Variants in LAMA2 observed in about 807,000 individuals in gnomAD.
LAMA2 encodes the protein laminin subunit alpha-2.
In LAMA2, 269 loss-of-function variants were observed where a neutral mutation model predicts 364.8. That is an observed-to-expected ratio of 0.74 (90% CI 0.67 to 0.82). The LOEUF is 0.82. Among genes scored for constraint, LAMA2 ranks in the 40% least tolerant of loss-of-function variants. The probability of loss-of-function intolerance (pLI) is 0.00; values close to 1 mark genes in which losing one functional copy is unlikely to be tolerated. For synonymous variants in LAMA2, 1,379 were observed against 1,370.6 expected, an observed-to-expected ratio of 1.01 and a Z score of -0.14; for missense variants, 3,807 against 3,873.2, an observed-to-expected ratio of 0.98 and a Z score of 0.45.
At chr6:128,905,094 T>G (rs918075383) in intron 1 of LAMA2, among the ~76,000 whole-genome samples, 2 of 152,202 alleles carry the variant, frequency 1.3e-5, no homozygotes, top group African/African-American at 4.8e-5. Flanking sequence ...CTGGATAACT[T>G]TAAAAATCTT....
At chr6:129,109,658 T>C (rs2114897294) in intron 4 of LAMA2, among the ~76,000 whole-genome samples, 1 of 152,188 alleles carries the variant, frequency 6.6e-6, no homozygotes, top group Admixed American at 6.6e-5. Flanking sequence ...TATAGGTAAT[T>C]ATATCAATAT....
intron 3 of LAMA2, among the ~76,000 whole-genome samples, chr6:129,091,212 T>C (rs905152791): frequency 3.9e-5 from 6 of 152,234 alleles, no homozygotes; most frequent in Non-Finnish European, 8.8e-5. Context: ...CAGAGTGAGA[T>C]AGAGAAGTCC....
At chr6:129,479,930 A>G (rs1784268870) in intron 54 of LAMA2, 1 of 152,150 alleles carries the variant, frequency 6.6e-6, no homozygotes, top group East Asian at 1.9e-4. Context: ...TGGCTTCTTA[A>G]AGGAAGTTTT....
In LAMA2 at chr6:128,922,078, G is replaced by A. The variant is rs528868417; in HGVS notation, c.112+38721G>A. ...CTGCATAGTATTCCATGGTGTATAT[G>A]TGCCACATTTTCTTAATCTAGTCTA... On this transcript the variant is annotated intron_variant, in intron 1 of 64. Transcript: ENST00000421865. 5.6e-4 allele frequency among the ~76,000 whole-genome samples: 85 copies of A among 152,174 alleles called. 2 individuals are homozygous for A. Among genetic ancestry groups the A allele is most frequent in the African/African-American group, 2.0e-3 (82 of 41,498 alleles).
At chr6:129,200,420 GTGTATATGTGTACACATATACA>G (rs1782195070) in intron 12 of LAMA2, among the ~76,000 whole-genome samples, 1 of 146,136 alleles carries the variant, frequency 6.8e-6, no homozygotes, top group Admixed American at 6.8e-5. Context: ...ATACATATAC[GTGTATATGTGTACACATATACA>G]TATATGTATA....
At chr6:129,511,408 A>T (rs1786563866) in intron 62 of LAMA2, among the ~76,000 whole-genome samples, 1 of 152,080 alleles carries the variant, frequency 6.6e-6, no homozygotes. Flanking sequence ...TTATTTCCAG[A>T]AGGGGTGTCA....
At chr6:128,944,344 AGAT>A (rs899076375) in intron 1 of LAMA2, among the ~76,000 whole-genome samples, 1 of 152,236 alleles carries the variant, frequency 6.6e-6, no homozygotes, top group African/African-American at 2.4e-5. Flanking sequence ...AAAATAAGAA[AGAT>A]GATAGGCCTG....
chr6:129,168,484 G>A (rs1779907627), intron 9 of LAMA2, among the ~76,000 whole-genome samples: 1 of 152,122 alleles, frequency 6.6e-6, no homozygotes, highest in Non-Finnish European at 1.5e-5. Flanking sequence ...TACATATGCG[G>A]CGTTATTTCT....
chr6:129,009,327 C>A (rs1367589576), intron 1 of LAMA2, among the ~76,000 whole-genome samples: 1 of 151,788 alleles, frequency 6.6e-6, no homozygotes, highest in Non-Finnish European at 1.5e-5. Flanking sequence ...AATTTAGATT[C>A]TTTAAAAACT....
At position 129,453,002 on chromosome 6, in the gene LAMA2, G is replaced by A. The variant is rs781231694; in HGVS notation, c.6444G>A (p.Val2148=). The A allele has an allele frequency of 5.0e-6, 8 of 1,612,472 alleles. No individual in the cohort carries two copies. Among genetic ancestry groups the A allele is most frequent in the African/African-American group, 1.3e-5 (1 of 74,872 alleles). Residue 2148 remains valine (V), a synonymous_variant, in exon 46 of 65, where the codon GTG becomes GTA. Transcript: ENST00000421865. The part of the protein sequence containing the change: ...RKQANSIKVS[V]SSGGDCIRTY... ...TTTTTTTAAAGATCAAAGTATCTGT[G>A]TCTTCAGGAGGTGACTGCATTCGAA...
At chr6:128,935,711 A>C (rs139159116) in intron 1 of LAMA2, among the ~76,000 whole-genome samples, 6 of 152,274 alleles carry the variant, frequency 3.9e-5, no homozygotes, top group African/African-American at 1.4e-4. Context: ...GGTTTCCTTC[A>C]TATAAGATCA....
chr6:128,936,061 T>G (rs746450773), intron 1 of LAMA2, among the ~76,000 whole-genome samples: 1 of 152,200 alleles, frequency 6.6e-6, no homozygotes, highest in Non-Finnish European at 1.5e-5. Context: ...CGCTTGGCAC[T>G]TCTTCTTCCT....
At position 129,291,675 on chromosome 6, in the gene LAMA2, T is replaced by G; in HGVS notation, c.2811T>G (p.Cys937Trp). ...TTTGCCACAGTCAAACTGGACAGTG[T>G]GAGTGCAGAGCCAACGTTCAGGGTC... is the stretch of plus-strand genomic sequence containing the variant. ...SEVCHSQTGQ[C>W]ECRANVQGQR... Residue 937 changes from cysteine to tryptophan, a missense_variant, in exon 20 of 65, where the codon TGT (cysteine) becomes TGG (tryptophan). Physicochemically the swap from Cys to Trp is radical, Grantham distance 215. Around this residue, in one of 3 missense-constraint regions of LAMA2, gnomAD observed 3,333 missense variants for 3,345.7 expected, o/e 1.00. Transcript: ENST00000421865. 1 of 1,614,092 alleles carries G rather than the reference T, an allele frequency of 6.2e-7. No individual in the cohort carries two copies. Among genetic ancestry groups the G allele is most frequent in the Non-Finnish European group, 8.5e-7 (1 of 1,179,938 alleles).
chr6:129,274,981 T>A (rs1361017433), intron 17 of LAMA2, among the ~76,000 whole-genome samples: 5 of 151,970 alleles, frequency 3.3e-5, no homozygotes, highest in Non-Finnish European at 5.9e-5. Context: ...GGCACAAGGC[T>A]GGACAGAGAT....
chr6:129,350,229 G>T (rs1473917137), intron 31 of LAMA2, among the ~76,000 whole-genome samples: 1 of 152,176 alleles, frequency 6.6e-6, no homozygotes, highest in African/African-American at 2.4e-5. Context: ...TAGCATAATT[G>T]ATAGCAGTAT....
intron 61 of LAMA2, among the ~76,000 whole-genome samples, chr6:129,506,269 C>T (rs1442749076): frequency 6.6e-6 from 1 of 152,088 alleles, no homozygotes. Flanking sequence ...AAGAGAATCA[C>T]TTGAACCCGA....
intron 10 of LAMA2, among the ~76,000 whole-genome samples, chr6:129,180,846 G>A (rs1175201207): frequency 6.6e-6 from 1 of 152,130 alleles, no homozygotes; most frequent in African/African-American, 2.4e-5. Flanking sequence ...GGGGTGGAGG[G>A]TGGGAGACAA....
Position 129,502,671 on chromosome 6 carries a change from G to A in LAMA2, c.8257G>A (p.Ala2753Thr), listed in dbSNP as rs1269222162. Residue 2753 changes from alanine to threonine, a missense_variant, in exon 59 of 65, where the codon GCA becomes ACA. By Grantham distance (58) the Ala-to-Thr change is moderately conservative (BLOSUM62 0). This residue lies in a region of LAMA2 where 3,333 missense variants were observed against 3,345.7 expected (regional missense o/e 1.00). Coordinates refer to ENST00000421865, the MANE Select transcript of LAMA2 (RefSeq NM_000426.4). The stretch of plus-strand genomic sequence containing the variant: ...GGGTATTTTACAGGGTCCTTGTGCT[G>A]CAGAATCAGAACCAGCTCTTTTGAT... ...TPVLTHGPCA[A>T]ESEPALLIGS... 1 of 1,613,114 alleles carries A rather than the reference G, an allele frequency of 6.2e-7. No individual in the cohort carries two copies.
intron 12 of LAMA2, among the ~76,000 whole-genome samples, chr6:129,221,989 C>T (rs1026795636): frequency 6.6e-6 from 1 of 152,086 alleles, no homozygotes; most frequent in Non-Finnish European, 1.5e-5. Flanking sequence ...CATTTTTGAG[C>T]AAACATATAT....
Sources: gnomAD v4.1 joint callset for allele counts (sites outside exome capture counted in the v4.1 genomes callset) on GRCh38, gnomAD v4.1.1 for gene constraint, gnomAD v4.1.1 regional missense constraint, MANE v1.5 for transcripts, NCBI Gene and HGNC (gene_info 2026-07-23, HGNC 2026-07-21) for gene names.